The following ERCC1 variants were observed in gnomAD, a reference collection of about 807,000 sequenced individuals.
ERCC1 encodes ERCC excision repair 1, endonuclease non-catalytic subunit.
A neutral mutation model predicts 37.6 loss-of-function variants in ERCC1; 36 were observed. That is an observed-to-expected ratio of 0.96 (90% CI 0.73 to 1.26). The LOEUF is 1.26. ERCC1 is among the 50% of genes most tolerant of loss of function. ERCC1 has a pLI of 0.00. For missense variants in ERCC1, 349 were observed against 376.5 expected, an observed-to-expected ratio of 0.93 and a Z score of 0.60; for synonymous variants, 156 against 162.1, an observed-to-expected ratio of 0.96 and a Z score of 0.28.
In ERCC1 at chr19:45,420,797, GT is replaced by G. The variant is rs1202771059; in HGVS notation, c.322-371del. On this transcript the variant is annotated intron_variant, in intron 3 of 9. Transcript: ENST00000300853. The surrounding 1 kb of genome is among the most constrained non-coding windows in gnomAD (Gnocchi z 4.8). Reference sequence around the variant, plus strand: ...GCCCTCACGCCCAGCAACTTTTTGTGTTTTTAGTAGAGATGGGGTGTCACCA... The same window carrying G: ...GCCCTCACGCCCAGCAACTTTTTGTGTTTTAGTAGAGATGGGGTGTCACCA... Among the ~76,000 whole-genome samples, 2 of 152,140 alleles carry G rather than the reference GT, an allele frequency of 1.3e-5. No individual in the cohort carries two copies.
At chr19:45,431,144 G>A (rs948084197) in intron 1 of ERCC1, among the ~76,000 whole-genome samples, 15 of 152,106 alleles carry the variant, frequency 9.9e-5, no homozygotes, top group Admixed American at 5.2e-4. Flanking sequence ...TAGTAGAAAC[G>A]GGGTTTCACC....
intron 1 of ERCC1, among the ~76,000 whole-genome samples, chr19:45,441,174 T>C (rs1975110598): frequency 6.6e-6 from 1 of 152,166 alleles, no homozygotes; most frequent in Non-Finnish European, 1.5e-5. Context: ...GGCCTCCCCA[T>C]TTCCATATCC....
intron 1 of ERCC1, among the ~76,000 whole-genome samples, chr19:45,436,985 C>T (rs956976665): frequency 4.6e-5 from 7 of 152,118 alleles, no homozygotes; most frequent in African/African-American, 1.2e-4. Context: ...CATAGTGGCT[C>T]ACGCGTGTAA....
intron 1 of ERCC1, among the ~76,000 whole-genome samples, chr19:45,448,703 T>C (rs1967021603): frequency 6.6e-6 from 1 of 151,880 alleles, no homozygotes; most frequent in Non-Finnish European, 1.5e-5. Flanking sequence ...AAGTTTTTAT[T>C]AATTTAAAAA....
chr19:45,447,184 AAC>A (rs1335711688), intron 1 of ERCC1, among the ~76,000 whole-genome samples: 1 of 152,182 alleles, frequency 6.6e-6, no homozygotes, highest in Non-Finnish European at 1.5e-5. Context: ...CAACATGTGA[AAC>A]ACAGTCACGC....
chr19:45,419,392 G>T (rs1330640507), intron 4 of ERCC1, 195 bp from the exon 5 acceptor site: 2 of 590,172 alleles, frequency 3.4e-6, no homozygotes, highest in South Asian at 1.9e-5. Flanking sequence ...GGCAGCCAGG[G>T]CCACATGGCT....
At chr19:45,418,091 G>A (rs758640534) in intron 5 of ERCC1, among the ~76,000 whole-genome samples, 1 of 151,982 alleles carries the variant, frequency 6.6e-6, no homozygotes, top group Non-Finnish European at 1.5e-5. Flanking sequence ...CACCTGGTGG[G>A]GGTGGCTCAC....
intron 6 of ERCC1, chr19:45,415,960 GTGT>G: frequency 2.9e-6 from 1 of 348,068 alleles, no homozygotes; most frequent in Non-Finnish European, 5.7e-6. Context: ...ACATAGCAAG[GTGT>G]TGTCTCCACA....
At chr19:45,441,399 G>A (rs993180993) in intron 1 of ERCC1, among the ~76,000 whole-genome samples, 1 of 151,936 alleles carries the variant, frequency 6.6e-6, no homozygotes, top group Non-Finnish European at 1.5e-5. Context: ...GGTGGATGGC[G>A]GGGGGGTCAT....
At chr19:45,426,687 G>A (rs904860636), upstream of ERCC1, among the ~76,000 whole-genome samples, 4 of 151,860 alleles carry the variant, frequency 2.6e-5, no homozygotes, top group Admixed American at 2.6e-4. Flanking sequence ...GGCTGGGTGC[G>A]GTGGCTCATG....
chr19:45,413,670 C>T lies in ERCC1; in HGVS notation c.843+7G>A. 2 of 1,614,184 alleles carry T rather than the reference C, an allele frequency of 1.2e-6. No homozygotes were observed. Among genetic ancestry groups the T allele is most frequent in the Non-Finnish European group, 1.7e-6 (2 of 1,180,040 alleles). On this transcript the variant is annotated splice_region_variant and intron_variant, in intron 9 of 9. Transcript: ENST00000300853. ...CAACTCCTTGGGTTCTTTCCCAGAG[C>T]TCTTACTTTCTGAGGGCCCAGGCCT...
Position 45,423,870 on chromosome 19 carries a change from G to T in ERCC1, c.-97C>A. On this transcript the variant is annotated 5_prime_UTR_variant, in exon 1 of 10. Transcript: ENST00000300853. ...GGAAAGACTGCAGAGGGATCGAGGC[G>T]GCCCACTGCCAGCACGGCCAGCGTG... is the stretch of plus-strand genomic sequence containing the variant. The T allele has an allele frequency of 9.0e-7, 1 of 1,106,892 alleles. No individual in the cohort carries two copies. Among genetic ancestry groups the T allele is most frequent in the African/African-American group, 1.6e-5 (1 of 62,520 alleles). 68.6% of individuals were successfully genotyped at this position (1,106,892 alleles called of 1,614,324 possible).
At chr19:45,431,051 C>T (rs1974818701) in intron 1 of ERCC1, among the ~76,000 whole-genome samples, 1 of 152,264 alleles carries the variant, frequency 6.6e-6, no homozygotes, top group East Asian at 1.9e-4. Flanking sequence ...CTCCCGTGTT[C>T]AAGCGATTCT....
chr19:45,407,947 G>C lies in ERCC1; in HGVS notation c.*1728C>G. The C allele has an allele frequency of 1.5e-6, 1 of 686,578 alleles. No individual in the cohort carries two copies. The highest frequency in any genetic ancestry group is 2.2e-6 in the Non-Finnish European group (1 of 459,174). The allele number at this position is 686,578 out of a possible 1,614,324, so 42.5% of individuals were successfully genotyped here. A position where few individuals can be genotyped will look rare whatever the true frequency, so the allele number is the denominator to read the frequency against. On this transcript the variant is annotated 3_prime_UTR_variant, in exon 10 of 10. Transcript: ENST00000300853. ...CAGGTGCCTGTAATCCCAGCTACTT[G>C]AGAGGCTGAGGCAGGAGAATCGCTT...
upstream of ERCC1, chr19:45,424,062 A>G (rs575262254): frequency 2.9e-6 from 3 of 1,043,056 alleles, no homozygotes; most frequent in African/African-American, 3.3e-5. Context: ...GTTAAGTTTC[A>G]AAGCCCTTAC....
chr19:45,436,874 G>A (rs75750038), intron 1 of ERCC1, among the ~76,000 whole-genome samples: 3,026 of 152,180 alleles, frequency 0.02, 50 homozygotes, highest in Non-Finnish European at 0.031. Flanking sequence ...GGAGGACCCC[G>A]TGAGACCAAG....
chr19:45,444,393 C>A (rs992096908), intron 1 of ERCC1, among the ~76,000 whole-genome samples: 2 of 151,614 alleles, frequency 1.3e-5, no homozygotes, highest in African/African-American at 2.4e-5. Flanking sequence ...GCCGCCCCCC[C>A]GCGGTGGCCC....
intron 9 of ERCC1, 92 bp from the exon 10 acceptor site, chr19:45,409,817 C>T: frequency 2.8e-6 from 2 of 715,336 alleles, no homozygotes; most frequent in Non-Finnish European, 5.2e-6. Flanking sequence ...CTTTATTTTC[C>T]CCTATACCCT....
rs1385960438 is a variant in ERCC1 at position 45,414,914 on chromosome 19, G to A, written c.649C>T (p.Gln217Ter). The A allele has an allele frequency of 7.4e-6, 12 of 1,613,958 alleles. No individual in the cohort carries two copies. Among genetic ancestry groups the A allele is most frequent in the Non-Finnish European group, 9.3e-6 (11 of 1,179,878 alleles). ...TCCATCAGGAGGTCCGCTGGTTTCT[G>A]CTCATAGGCCTTGTAGGTCTCCAGG... ...RYLETYKAYE[Q>*]KPADLLMEKL... is the part of the protein sequence containing the mutation. The change falls in exon 7 of 10, where the codon CAG becomes TAG. Residue 217 changes from glutamine to a stop codon, truncating the protein, a stop_gained. Transcript: ENST00000300853. LOFTEE classifies it high-confidence loss of function.
Sources: allele counts gnomAD v4.1 joint callset (sites outside exome capture counted in the v4.1 genomes callset), GRCh38; gene constraint gnomAD v4.1.1; non-coding constraint Gnocchi (gnomAD v3.1); transcripts MANE v1.5; gene names NCBI Gene and HGNC (gene_info 2026-07-23, HGNC 2026-07-21).